The following CABIN1 variants were observed in gnomAD, a reference collection of about 807,000 sequenced individuals.
CABIN1 encodes the protein calcineurin binding protein 1.
In CABIN1, 133 loss-of-function variants were observed where a neutral mutation model predicts 227.7. The observed-to-expected ratio is 0.58, with a 90% CI of 0.51 to 0.67. CABIN1 has a LOEUF of 0.67. Among genes scored for constraint, CABIN1 ranks in the 30% least tolerant of loss-of-function variants. CABIN1 has a pLI of 0.00. For missense variants in CABIN1, 2,408 were observed against 2,852.5 expected (o/e 0.84, Z 3.55); for synonymous variants, 1,086 against 1,155.1 (o/e 0.94, Z 1.21).
chr22:24,060,113 T>G lies in CABIN1; in HGVS notation c.1589T>G (p.Leu530Arg). 1 of 1,613,934 alleles carries G rather than the reference T, an allele frequency of 6.2e-7. No homozygotes were observed. The change falls in exon 12 of 37, where the codon CTG becomes CGG. Residue 530 changes from leucine to arginine, a missense_variant. Physicochemically the swap from Leu to Arg is moderately radical, Grantham distance 102 (BLOSUM62 -2). This residue lies in a region of CABIN1 where 1,045 missense variants were observed against 1,168.4 expected (regional missense o/e 0.89). Transcript: ENST00000263119. Reference sequence around the variant, plus strand: ...AGCACCAGCCTGCCCAACCCGCTGCTGAGGGACTGCAGCAACAAGCACATC... The same window carrying G: ...AGCACCAGCCTGCCCAACCCGCTGCGGAGGGACTGCAGCAACAAGCACATC... ...RHSTSLPNPLLRDCSNKHIKD... is the reference protein window; with the variant it reads ...RHSTSLPNPLRRDCSNKHIKD...
At chr22:24,067,469 A>G (rs1285281003) in intron 16 of CABIN1, among the ~76,000 whole-genome samples, 1 of 152,248 alleles carries the variant, frequency 6.6e-6, no homozygotes, top group Non-Finnish European at 1.5e-5. Context: ...TGGTCAGGTC[A>G]TCATCTGTCC....
intron 16 of CABIN1, among the ~76,000 whole-genome samples, chr22:24,069,957 G>A (rs1178263034): frequency 6.6e-6 from 1 of 151,946 alleles, no homozygotes; most frequent in Non-Finnish European, 1.5e-5. Flanking sequence ...TCCTGTAGGT[G>A]TAACAAGCGT....
Position 24,017,039 on chromosome 22 carries a change from C to CTT in CABIN1, c.-75+5691_-75+5692dup, listed in dbSNP as rs767688741. Among the ~76,000 whole-genome samples the CTT allele has an allele frequency of 6.7e-4, 82 of 122,196 alleles. 1 individual carries two copies. The highest frequency in any genetic ancestry group is 2.7e-3 in the South Asian group (10 of 3,748). The allele number at this position is 122,196 out of a possible 152,430, so 80.2% of individuals were successfully genotyped here. A position where few individuals can be genotyped will look rare whatever the true frequency, so the allele number is the denominator to read the frequency against. On this transcript the variant is annotated intron_variant, in intron 1 of 36. Coordinates refer to ENST00000263119, the MANE Select transcript of CABIN1 (RefSeq NM_012295.4). ...AAAATATAAGCAACATACAATTTAT[C>CTT]TTTTTTTTTTTTTTTTTTTTGAGAT...
chr22:24,067,144 C>G lies in CABIN1; in HGVS notation c.2195C>G (p.Ser732Cys). The G allele has an allele frequency of 5.0e-6, 8 of 1,614,246 alleles. No individual in the cohort carries two copies. Among genetic ancestry groups the G allele is most frequent in the Non-Finnish European group, 6.8e-6 (8 of 1,180,056 alleles). Residue 732 changes from serine (S) to cysteine (C), a missense_variant, in exon 16 of 37, where the codon TCC becomes TGC. By Grantham distance (112) the Ser-to-Cys change is moderately radical (BLOSUM62 -1). This residue lies in a region of CABIN1 where 1,045 missense variants were observed against 1,168.4 expected (regional missense o/e 0.89). Transcript: ENST00000263119. The part of the protein sequence containing the change: ...DRAKHLEFMT[S>C]IPERPAQLLL... Reference sequence around the variant, plus strand: ...GCCAAACACCTGGAGTTTATGACTTCCATTCCTGAGAGGCCAGCCCAGCTG... The same window carrying G: ...GCCAAACACCTGGAGTTTATGACTTGCATTCCTGAGAGGCCAGCCCAGCTG...
intron 16 of CABIN1, among the ~76,000 whole-genome samples, chr22:24,068,982 A>G (rs2039894257): frequency 6.6e-6 from 1 of 152,268 alleles, no homozygotes; most frequent in Admixed American, 6.5e-5. Flanking sequence ...AGACCCATCA[A>G]CAGAGAGATA....
intron 19 of CABIN1, among the ~76,000 whole-genome samples, chr22:24,082,852 A>C (rs756733514): frequency 1.3e-5 from 2 of 152,234 alleles, no homozygotes; most frequent in Non-Finnish European, 2.9e-5. Context: ...GACTATACCT[A>C]TTTTAAGAAA....
intron 26 of CABIN1, among the ~76,000 whole-genome samples, chr22:24,111,329 G>A (rs932753222): frequency 1.3e-5 from 2 of 152,204 alleles, no homozygotes; most frequent in Non-Finnish European, 2.9e-5. Flanking sequence ...TCCGTGGCCT[G>A]TTAGGAACTG....
intron 13 of CABIN1, 53 bp downstream of exon 13, chr22:24,062,078 C>T: frequency 1.4e-6 from 2 of 1,442,386 alleles, no homozygotes; most frequent in Non-Finnish European, 1.9e-6. Context: ...CCCCCAGCAG[C>T]TGGGAGAAAG....
chr22:24,011,402 CG>C (rs1256650452), intron 1 of CABIN1, 35 bp downstream of exon 1: 1 of 152,828 alleles, frequency 6.5e-6, no homozygotes. Flanking sequence ...AAGGCGGTGC[CG>C]GGGTGGGGGT....
At chr22:24,119,857 G>C (rs1463656972) in intron 28 of CABIN1, among the ~76,000 whole-genome samples, 159 bp downstream of exon 28, 2 of 152,268 alleles carry the variant, frequency 1.3e-5, no homozygotes, top group African/African-American at 2.4e-5. Flanking sequence ...AGCCCCAGGA[G>C]TGGGCCAGCT....
At chr22:24,028,635 G>A (rs115075161) in intron 1 of CABIN1, among the ~76,000 whole-genome samples, 1,860 of 152,026 alleles carry the variant, frequency 0.012, 34 homozygotes, top group African/African-American at 0.043. Flanking sequence ...TCCATCCTTA[G>A]GAATATGGTT....
Position 24,070,843 on chromosome 22 carries a change from G to A in CABIN1, c.2276G>A (p.Cys759Tyr). ...AAGGACTATCGGCAGTGTTTTGAGT[G>A]TTCCGATGTGGCTCTGAACGAGGCT... ...RLKDYRQCFE[C>Y]SDVALNEAVQ... Residue 759 changes from cysteine (C) to tyrosine (Y), a missense_variant, in exon 17 of 37, where the codon TGT becomes TAT. Physicochemically the swap from Cys to Tyr is radical, Grantham distance 194. Coordinates refer to ENST00000263119, the MANE Select transcript of CABIN1 (RefSeq NM_012295.4). 2 of 1,614,244 alleles carry A rather than the reference G, an allele frequency of 1.2e-6. No homozygotes were observed. The highest frequency in any genetic ancestry group is 1.7e-6 in the Non-Finnish European group (2 of 1,180,030).
At chr22:24,093,275 G>A (rs2041669353) in intron 24 of CABIN1, among the ~76,000 whole-genome samples, 1 of 152,214 alleles carries the variant, frequency 6.6e-6, no homozygotes, top group African/African-American at 2.4e-5. Context: ...TTTTGGCTAG[G>A]TATGGTGGCT....
chr22:24,023,783 G>C (rs1173654738), intron 1 of CABIN1, among the ~76,000 whole-genome samples: 1 of 151,572 alleles, frequency 6.6e-6, no homozygotes, highest in Non-Finnish European at 1.5e-5. Flanking sequence ...ACCCAGGCTG[G>C]AGTGCAGTGG....
At chr22:24,157,420 C>T (rs1365662802) in intron 29 of CABIN1, among the ~76,000 whole-genome samples, 1 of 152,146 alleles carries the variant, frequency 6.6e-6, no homozygotes, top group Non-Finnish European at 1.5e-5. Context: ...GCCGGCCTGG[C>T]TCTGTCTGTG....
At chr22:24,135,694 C>T (rs1312805578) in intron 29 of CABIN1, among the ~76,000 whole-genome samples, 1 of 152,244 alleles carries the variant, frequency 6.6e-6, no homozygotes, top group Non-Finnish European at 1.5e-5. Context: ...GTCATACACC[C>T]CCTCTGAGCT....
At chr22:24,023,013 C>G (rs1184762534) in intron 1 of CABIN1, among the ~76,000 whole-genome samples, 1 of 152,114 alleles carries the variant, frequency 6.6e-6, no homozygotes, top group Non-Finnish European at 1.5e-5. Context: ...ATAACTGTGC[C>G]ACTATCTATT....
chr22:24,088,036 C>T lies in CABIN1; in HGVS notation c.3525+323C>T, dbSNP rs1177295607. Among the ~76,000 whole-genome samples, 6 of 152,182 alleles carry T rather than the reference C, an allele frequency of 3.9e-5. No homozygotes were observed. The South Asian group carries it at 6.2e-4, about 16-fold the overall frequency. On this transcript the variant is annotated intron_variant, in intron 23 of 36. Coordinates refer to ENST00000263119, the MANE Select transcript of CABIN1 (RefSeq NM_012295.4). ...GAAGTAGCTATTTCTTCCCTGTTCCCTCAAAGGAGCTTGTTGGATCCTTGT... is the reference window on the plus strand; with the variant it reads ...GAAGTAGCTATTTCTTCCCTGTTCCTTCAAAGGAGCTTGTTGGATCCTTGT...
At chr22:24,126,631 G>A (rs2043741557) in intron 28 of CABIN1, among the ~76,000 whole-genome samples, 1 of 152,210 alleles carries the variant, frequency 6.6e-6, no homozygotes, top group African/African-American at 2.4e-5. Context: ...AGAGGAAGAA[G>A]ATGAGGTCAG....
Sources: gnomAD v4.1 joint callset for allele counts (sites outside exome capture counted in the v4.1 genomes callset) on GRCh38, gnomAD v4.1.1 for gene constraint, gnomAD v4.1.1 regional missense constraint, MANE v1.5 for transcripts, NCBI Gene and HGNC (gene_info 2026-07-23, HGNC 2026-07-21) for gene names.